The following TET2 variants were observed in gnomAD, a reference collection of about 807,000 sequenced individuals.
TET2 encodes methylcytosine dioxygenase TET2.
TET2 carries 299 observed loss-of-function variants against 142.9 expected under a neutral mutation model. That is an observed-to-expected ratio of 2.09 (90% CI 1.90 to 2.30). The LOEUF (loss-of-function observed/expected upper bound fraction) is 2.30. TET2 is among the 30% of genes most tolerant of loss of function. The pLI, the probability that TET2 is intolerant of heterozygous loss-of-function variation, is 0.00. For missense variants in TET2, 2,418 were observed against 2,378.0 expected (o/e 1.02, Z -0.35); for synonymous variants, 819 against 849.0 (o/e 0.96, Z 0.61).
Position 105,235,627 on chromosome 4 carries a change from C to T in TET2, c.1685C>T (p.Pro562Leu). 6.2e-7 allele frequency: 1 copy of T among 1,614,160 alleles called. No homozygotes were observed. The highest frequency in any genetic ancestry group is 8.5e-7 in the Non-Finnish European group (1 of 1,180,000). The change falls in exon 3 of 11, where the codon CCA (proline) becomes CTA (leucine). Residue 562 changes from proline to leucine, a missense_variant. By Grantham distance (98) the Pro-to-Leu change is moderately conservative (BLOSUM62 -3). Transcript: ENST00000380013. ...CCCCCAACACAGCACTATCTGAAAC[C>T]AGGATGGATTGAATTGAAGGCCCCT... ...LVPPTQHYLK[P>L]GWIELKAPRF...
chr4:105,173,321 C>T (rs1368624654), intron 1 of TET2, among the ~76,000 whole-genome samples: 2 of 147,934 alleles, frequency 1.4e-5, no homozygotes, highest in Non-Finnish European at 3.0e-5. Flanking sequence ...AGTTTGAGAC[C>T]AGCCTGGCCA....
rs184553923 is a variant in TET2, at chr4:105,228,328, C to A, written c.-46-5569C>A. 5.8e-3 allele frequency among the ~76,000 whole-genome samples: 880 copies of A among 152,216 alleles called. 7 individuals carry two copies. The highest frequency in any genetic ancestry group is 8.3e-3 in the Non-Finnish European group (565 of 67,954). ...TCTTGTGAAAAAGTTAACCATTAAA[C>A]TTTTCACACAAATGGTTGTATAAAG... is the stretch of plus-strand genomic sequence containing the variant. On this transcript the variant is annotated intron_variant, in intron 2 of 10. Coordinates refer to ENST00000380013, the MANE Select transcript of TET2 (RefSeq NM_001127208.3).
Position 105,275,837 on chromosome 4 carries a change from C to CT in TET2, c.5328dup (p.Leu1777SerfsTer12). On this transcript the variant is annotated frameshift_variant, in exon 11 of 11. Coordinates refer to ENST00000380013, the MANE Select transcript of TET2 (RefSeq NM_001127208.3). LOFTEE classifies it low-confidence loss of function (END_TRUNC). ...GCAGCTCCGGGCATGTTCAACAGCTCTCTTCATGCCCTGCATCTCCAAAAC... is the reference window on the plus strand; with the variant it reads ...GCAGCTCCGGGCATGTTCAACAGCTCTTCTTCATGCCCTGCATCTCCAAAAC... 6.4e-7 allele frequency: 1 copy of CT among 1,551,818 alleles called. No homozygotes were observed.
chr4:105,245,703 G>T (rs1040751259), intron 6 of TET2, among the ~76,000 whole-genome samples: 7 of 152,038 alleles, frequency 4.6e-5, no homozygotes, highest in African/African-American at 1.7e-4. Flanking sequence ...GTATGTAGGT[G>T]CCTTTAATTA....
At chr4:105,174,106 A>G (rs1323484263) in intron 1 of TET2, among the ~76,000 whole-genome samples, 3 of 152,136 alleles carry the variant, frequency 2.0e-5, no homozygotes, top group Non-Finnish European at 4.4e-5. Context: ...TTCTATAGCT[A>G]TACTGTTCAT....
intron 2 of TET2, among the ~76,000 whole-genome samples, chr4:105,232,192 C>T (rs747787062): frequency 6.6e-6 from 1 of 152,086 alleles, no homozygotes; most frequent in Non-Finnish European, 1.5e-5. Flanking sequence ...GCACAGAACA[C>T]GATTTTGTGT....
At chr4:105,242,760 G>A in intron 4 of TET2, 74 bp from the exon 5 acceptor site, 1 of 1,524,242 alleles carries the variant, frequency 6.6e-7, no homozygotes, top group Non-Finnish European at 8.8e-7. Flanking sequence ...ATGCTCAAAT[G>A]TTCAAATATT....
chr4:105,161,827 T>A (rs1723873798), intron 1 of TET2, among the ~76,000 whole-genome samples: 2 of 152,214 alleles, frequency 1.3e-5, no homozygotes, highest in Non-Finnish European at 2.9e-5. Flanking sequence ...TGTCTGTGTA[T>A]TATAAAATAT....
Position 105,242,848 on chromosome 4 carries a change from G to T in TET2, c.3515G>T (p.Gly1172Val). 1 of 1,551,206 alleles carries T rather than the reference G, an allele frequency of 6.4e-7. No homozygotes were observed. The highest frequency in any genetic ancestry group is 8.7e-7 in the Non-Finnish European group (1 of 1,146,808). ...GTTTCTTTAAGGTTTGGACAGAAGG[G>T]TAAAGCTATTAGGATTGAAAGAGTC... ...EIMEERFGQK[G>V]KAIRIERVIY... The change falls in exon 5 of 11, where the codon GGT becomes GTT. Residue 1172 changes from glycine to valine, a missense_variant. Gly to Val is a moderately radical substitution (Grantham distance 109). Transcript: ENST00000380013.
Position 105,259,624 on chromosome 4 carries a change from C to CT in TET2, c.3811dup (p.Cys1271LeufsTer29). 1 of 1,550,682 alleles carries CT rather than the reference C, an allele frequency of 6.4e-7. No homozygotes were observed. The highest frequency in any genetic ancestry group is 8.7e-7 in the Non-Finnish European group (1 of 1,146,302). ...TTGGTCTTTTGATTTTTCAGGAGAA[C>CT]TTGCGCCTGTCAGGGGCTGGATCCA... On this transcript the variant is annotated frameshift_variant, in exon 7 of 11. Coordinates refer to ENST00000380013, the MANE Select transcript of TET2 (RefSeq NM_001127208.3). LOFTEE classifies it high-confidence loss of function.
chr4:105,161,673 T>A (rs1026907905), intron 1 of TET2, among the ~76,000 whole-genome samples: 2 of 152,248 alleles, frequency 1.3e-5, no homozygotes, highest in African/African-American at 4.8e-5. Context: ...ATTAAGGCTA[T>A]AAGTTAATTT....
upstream of TET2, chr4:105,146,831 G>A (rs1723041466): frequency 6.6e-6 from 1 of 152,246 alleles, no homozygotes; most frequent in African/African-American, 2.4e-5. Flanking sequence ...GAGAACAGAC[G>A]TCAAACTGCC....
chr4:105,179,421 G>A (rs1417781154), intron 1 of TET2, among the ~76,000 whole-genome samples: 1 of 152,120 alleles, frequency 6.6e-6, no homozygotes, highest in Admixed American at 6.5e-5. Context: ...GTGTCCATGG[G>A]CATAATTCAG....
chr4:105,239,074 G>GTTTTTTTTTT (rs372909927), intron 3 of TET2: 20 of 211,922 alleles, frequency 9.4e-5, no homozygotes, highest in African/African-American at 1.7e-4. Context: ...TTTGTTTTTT[G>GTTTTTTTTTT]TTTTTTTTTT....
At chr4:105,257,059 C>T (rs1730172287) in intron 6 of TET2, among the ~76,000 whole-genome samples, 1 of 152,112 alleles carries the variant, frequency 6.6e-6, no homozygotes, top group African/African-American at 2.4e-5. Context: ...AACATCTGGA[C>T]TTTTTCAGGA....
rs1218684490 is a variant in TET2 at position 105,235,443 on chromosome 4, T to G, written c.1501T>G (p.Cys501Gly). Reference sequence around the variant, plus strand: ...TGCAGGGACAATGACTGTTCCATTGTGTTCTGAGAAAACAAGACCAATGTC... The same window carrying G: ...TGCAGGGACAATGACTGTTCCATTGGGTTCTGAGAAAACAAGACCAATGTC... ...QTAGTMTVPL[C>G]SEKTRPMSEH... The change falls in exon 3 of 11, where the codon TGT becomes GGT. Residue 501 changes from cysteine (C) to glycine (G), a missense_variant. Cys to Gly is a radical substitution (Grantham distance 159). Coordinates refer to ENST00000380013, the MANE Select transcript of TET2 (RefSeq NM_001127208.3). 6.2e-7 allele frequency: 1 copy of G among 1,614,200 alleles called. No homozygotes were observed. Among genetic ancestry groups the G allele is most frequent in the Non-Finnish European group, 8.5e-7 (1 of 1,180,022 alleles).
chr4:105,185,398 T>C (rs1344503791), intron 1 of TET2, among the ~76,000 whole-genome samples: 1 of 152,228 alleles, frequency 6.6e-6, no homozygotes, highest in African/African-American at 2.4e-5. Context: ...TGACTTAGAA[T>C]CCATTCAATA....
intron 6 of TET2, among the ~76,000 whole-genome samples, chr4:105,253,562 TCATTCTTTCATA>T (rs1729976497): frequency 6.7e-6 from 1 of 150,090 alleles, no homozygotes; most frequent in African/African-American, 2.5e-5. Flanking sequence ...TTTTTTTTGG[TCATTCTTTCATA>T]TTTTCTAGGT....
In TET2 at chr4:105,209,233, GATTAAT is replaced by G. The variant is rs371557924; in HGVS notation, c.-47+18730_-47+18735del. Among the ~76,000 whole-genome samples, 130 of 151,254 alleles carry G rather than the reference GATTAAT, an allele frequency of 8.6e-4. 1 individual carries two copies. The highest frequency in any genetic ancestry group is 3.1e-3 in the African/African-American group (127 of 41,354). ...AACCAGGCTCACTAAGTTTGAGTCT[GATTAAT>G]AACGTTTAAGGTCACATCTGATTAA... On this transcript the variant is annotated intron_variant, in intron 2 of 10. Coordinates refer to ENST00000380013, the MANE Select transcript of TET2 (RefSeq NM_001127208.3).
Sources: allele counts gnomAD v4.1 joint callset (sites outside exome capture counted in the v4.1 genomes callset), GRCh38; gene constraint gnomAD v4.1.1; transcripts MANE v1.5; gene names NCBI Gene and HGNC (gene_info 2026-07-23, HGNC 2026-07-21).